Variants in TGFBR3 observed in about 807,000 individuals in gnomAD.
TGFBR3 encodes transforming growth factor beta receptor type 3.
Under a neutral mutation model 87.9 loss-of-function variants are expected in TGFBR3, and 46 were observed. The observed-to-expected ratio is 0.52, with a 90% CI of 0.41 to 0.67. The LOEUF (loss-of-function observed/expected upper bound fraction) is 0.67, where lower values mean the gene tolerates loss of function less well. TGFBR3 is among the 30% of genes least tolerant of loss of function. TGFBR3 has a pLI of 0.00. For synonymous variants in TGFBR3, 381 were observed against 391.6 expected (o/e 0.97, Z 0.32); for missense variants, 866 against 1,041.9 (o/e 0.83, Z 2.32).
At chr1:91,751,358 C>T (rs552243490) in intron 4 of TGFBR3, among the ~76,000 whole-genome samples, 2 of 152,180 alleles carry the variant, frequency 1.3e-5, no homozygotes, top group Non-Finnish European at 2.9e-5. Flanking sequence ...CTCAGTTACA[C>T]ATCACTTGGC....
At position 91,880,480 on chromosome 1, in the gene TGFBR3, C is replaced by T. The variant is rs1046761525; in HGVS notation, c.-114+5398G>A. On this transcript the variant is annotated intron_variant, in intron 1 of 16. Coordinates refer to ENST00000212355, the MANE Select transcript of TGFBR3 (RefSeq NM_003243.5). ...GGGCGTGGTGGCGGGCGCCTGTAGT[C>T]TCAGCTACTCGGGAGACTGAGGCAA... 2.3e-4 allele frequency among the ~76,000 whole-genome samples: 35 copies of T among 151,990 alleles called. 1 individual carries two copies. Among genetic ancestry groups the T allele is most frequent in the Admixed American group, 1.3e-4 (2 of 15,230 alleles).
intron 2 of TGFBR3, among the ~76,000 whole-genome samples, chr1:91,809,566 CTT>C (rs1675956950): frequency 6.6e-6 from 1 of 152,300 alleles, no homozygotes; most frequent in Admixed American, 6.5e-5. Context: ...AATCTGCAAA[CTT>C]TTGGTTTGGC....
chr1:91,770,038 C>T (rs143302903), intron 3 of TGFBR3, among the ~76,000 whole-genome samples: 6 of 152,250 alleles, frequency 3.9e-5, no homozygotes, highest in African/African-American at 9.6e-5. Flanking sequence ...ATGAAAGATG[C>T]GCATCAAGTG....
upstream of TGFBR3, among the ~76,000 whole-genome samples, chr1:91,888,178 C>T (rs1679376836): frequency 6.6e-6 from 1 of 152,180 alleles, no homozygotes; most frequent in Non-Finnish European, 1.5e-5. Flanking sequence ...TGCTGCCATC[C>T]ACGTGATATG....
chr1:91,889,917 C>T (rs1452305272), upstream of TGFBR3, among the ~76,000 whole-genome samples: 1 of 152,192 alleles, frequency 6.6e-6, no homozygotes, highest in Non-Finnish European at 1.5e-5. Flanking sequence ...CCACCTTGGC[C>T]TCCCACAGTG....
intron 2 of TGFBR3, among the ~76,000 whole-genome samples, chr1:91,826,472 C>G (rs922857158): frequency 3.9e-5 from 6 of 152,072 alleles, no homozygotes; most frequent in African/African-American, 1.4e-4. Flanking sequence ...GGGACTGATT[C>G]AAGGATGGGA....
chr1:91,859,071 A>T (rs143114815), intron 2 of TGFBR3, among the ~76,000 whole-genome samples: 1,884 of 152,114 alleles, frequency 0.012, 49 homozygotes, highest in African/African-American at 0.043. Flanking sequence ...AAAAAAAAAA[A>T]AAATCTGTAA....
chr1:91,741,567 T>C (rs890856644), intron 4 of TGFBR3, among the ~76,000 whole-genome samples: 1 of 152,134 alleles, frequency 6.6e-6, no homozygotes, highest in Non-Finnish European at 1.5e-5. Flanking sequence ...GGGCTGAAAG[T>C]TCTAACCTCT....
rs76400646 is a variant in TGFBR3 at position 91,721,525 on chromosome 1, C to T, written c.1075+430G>A. Among the ~76,000 whole-genome samples the T allele has an allele frequency of 3.3e-5, 5 of 152,316 alleles. No individual in the cohort carries two copies. In the East Asian group the frequency reaches 9.7e-4, roughly 29 times the overall value. On this transcript the variant is annotated intron_variant, in intron 8 of 16. Coordinates refer to ENST00000212355, the MANE Select transcript of TGFBR3 (RefSeq NM_003243.5). ...TTTGTTGACCCTCTGCTTTCCACCCCATTCAGCTGGGGTAGTAACTCCTGC... is the reference window on the plus strand; with the variant it reads ...TTTGTTGACCCTCTGCTTTCCACCCTATTCAGCTGGGGTAGTAACTCCTGC...
Position 91,681,537 on chromosome 1 carries a change from G to C in TGFBR3, c.*2202C>G. The C allele has an allele frequency of 2.7e-6, 1 of 365,280 alleles. No individual in the cohort carries two copies. The highest frequency in any genetic ancestry group is 5.2e-6 in the Non-Finnish European group (1 of 192,548). 22.6% of individuals were successfully genotyped at this position (365,280 alleles called of 1,614,324 possible). ...ATATATTACAGAAGGTTTTAACCCT[G>C]TCCTTCTAAGACATCAATCTTTTAA... On this transcript the variant is annotated 3_prime_UTR_variant, in exon 17 of 17. Coordinates refer to ENST00000212355, the MANE Select transcript of TGFBR3 (RefSeq NM_003243.5).
intron 1 of TGFBR3, chr1:91,866,782 T>TCAGGTGATGAATGA (rs1417468342): frequency 6.6e-6 from 1 of 152,024 alleles, no homozygotes; most frequent in East Asian, 1.9e-4. Flanking sequence ...ATTTTAAAAG[T>TCAGGTGATGAATGA]CAGGTGATGA....
At chr1:91,813,978 C>T (rs1676113345) in intron 2 of TGFBR3, among the ~76,000 whole-genome samples, 1 of 152,210 alleles carries the variant, frequency 6.6e-6, no homozygotes, top group Non-Finnish European at 1.5e-5. Context: ...TGATCTCACA[C>T]GAGGTGGAGC....
At chr1:91,705,488 C>A (rs1378981249) in intron 14 of TGFBR3, among the ~76,000 whole-genome samples, 1 of 152,040 alleles carries the variant, frequency 6.6e-6, no homozygotes, top group Admixed American at 6.6e-5. Context: ...CTCGGCCTCC[C>A]AAAGTGCTGG....
chr1:91,785,171 T>C (rs1286727998), intron 3 of TGFBR3, among the ~76,000 whole-genome samples: 2 of 152,248 alleles, frequency 1.3e-5, no homozygotes, highest in Admixed American at 1.3e-4. Flanking sequence ...AACTGATACA[T>C]GCTACAACAT....
At chr1:91,695,899 G>T in intron 15 of TGFBR3, 120 bp from the exon 16 acceptor site, 2 of 848,690 alleles carry the variant, frequency 2.4e-6, no homozygotes, top group East Asian at 2.6e-5. Flanking sequence ...ATCGGAGAAT[G>T]CAATGAAGAT....
chr1:91,690,312 T>A (rs1671223629), intron 16 of TGFBR3, among the ~76,000 whole-genome samples: 1 of 152,042 alleles, frequency 6.6e-6, no homozygotes, highest in Non-Finnish European at 1.5e-5. Flanking sequence ...AGACGGGAAT[T>A]TTACTCTCTT....
Position 91,685,315 on chromosome 1 carries a change from C to CTTTTTT in TGFBR3, c.2438-1464_2438-1459dup, listed in dbSNP as rs71585124. 3.9e-4 allele frequency among the ~76,000 whole-genome samples: 39 copies of CTTTTTT among 100,676 alleles called. 1 individual carries two copies. The highest frequency in any genetic ancestry group is 6.6e-4 in the African/African-American group (16 of 24,360). The allele number at this position is 100,676 out of a possible 152,430, so 66.0% of individuals were successfully genotyped here. On this transcript the variant is annotated intron_variant, in intron 16 of 16. Coordinates refer to ENST00000212355, the MANE Select transcript of TGFBR3 (RefSeq NM_003243.5). ...TTCCTGAGAAGCGGAGAAGCACTGC[C>CTTTTTT]TTTTTTTTTTTTTTTTTTTTTTTGT... is the stretch of plus-strand genomic sequence containing the variant.
At chr1:91,901,884 C>A (rs903364903) in intron 1 of TGFBR3, among the ~76,000 whole-genome samples, 1 of 151,444 alleles carries the variant, frequency 6.6e-6, no homozygotes, top group Non-Finnish European at 1.5e-5. Context: ...CTGCACCACT[C>A]CAGCCTGGGC....
rs537535617 is a variant in TGFBR3 at position 91,702,811 on chromosome 1, G to A, written c.2288-4681C>T. On this transcript the variant is annotated intron_variant, in intron 14 of 16. Transcript: ENST00000212355. ...TGTAATCCCAGCACTTTGGGAAGCCGATGCAGGCAGATCACCTGAGGTCAG... is the reference window on the plus strand; with the variant it reads ...TGTAATCCCAGCACTTTGGGAAGCCAATGCAGGCAGATCACCTGAGGTCAG... 9.1e-4 allele frequency among the ~76,000 whole-genome samples: 138 copies of A among 152,282 alleles called. 1 individual carries two copies. The highest frequency in any genetic ancestry group is 1.3e-3 in the Non-Finnish European group (88 of 68,030).
Sources: allele counts gnomAD v4.1 joint callset (sites outside exome capture counted in the v4.1 genomes callset), GRCh38; gene constraint gnomAD v4.1.1; transcripts MANE v1.5; gene names NCBI Gene and HGNC (gene_info 2026-07-23, HGNC 2026-07-21).